The following COL25A1 variants were observed in gnomAD, a reference collection of about 807,000 sequenced individuals.
COL25A1 encodes the protein collagen alpha-1(XXV) chain.
A neutral mutation model predicts 128.4 loss-of-function variants in COL25A1; 103 were observed. The observed-to-expected ratio is 0.80, with a 90% confidence interval of 0.68 to 0.94. COL25A1 has a LOEUF of 0.94. Among genes scored for constraint, COL25A1 ranks in the 40% least tolerant of loss-of-function variants. The pLI, the probability that COL25A1 is intolerant of heterozygous loss-of-function variation, is 0.00. For missense variants in COL25A1, 745 were observed against 840.0 expected (o/e 0.89, Z 1.40); for synonymous variants, 279 against 277.2 (o/e 1.01, Z -0.06).
At chr4:108,855,419 A>C (rs1331919624) in intron 24 of COL25A1, among the ~76,000 whole-genome samples, 2 of 151,938 alleles carry the variant, frequency 1.3e-5, no homozygotes, top group Non-Finnish European at 2.9e-5. Context: ...AGTCATTTAA[A>C]CAAGGCTATC....
intron 19 of COL25A1, among the ~76,000 whole-genome samples, chr4:108,872,681 G>GAT (rs74986915): frequency 2.7e-5 from 3 of 112,512 alleles, no homozygotes; most frequent in African/African-American, 8.9e-5. Flanking sequence ...CATTAGATTT[G>GAT]ATATATATAT....
chr4:109,126,813 C>T (rs1768662346), intron 3 of COL25A1, among the ~76,000 whole-genome samples: 1 of 151,812 alleles, frequency 6.6e-6, no homozygotes, highest in Admixed American at 6.6e-5. Context: ...TGAAGACCTA[C>T]GAGTTAATGG....
At chr4:109,299,219 T>C (rs1485297720) in intron 3 of COL25A1, among the ~76,000 whole-genome samples, 2 of 152,164 alleles carry the variant, frequency 1.3e-5, no homozygotes, top group African/African-American at 4.8e-5. Flanking sequence ...GCACCAACTG[T>C]CCTGGGAATT....
intron 5 of COL25A1, among the ~76,000 whole-genome samples, chr4:109,013,508 T>A (rs1000563837): frequency 6.1e-5 from 3 of 49,330 alleles, no homozygotes; most frequent in African/African-American, 2.6e-4. Flanking sequence ...CTTTGTTCTT[T>A]CACTCTTTGC....
chr4:108,859,712 C>T lies in COL25A1; in HGVS notation c.1264G>A (p.Asp422Asn), dbSNP rs766375694. The T allele has an allele frequency of 2.5e-6, 4 of 1,613,810 alleles. No individual in the cohort carries two copies. In the Admixed American group the frequency reaches 6.7e-5, roughly 27 times the overall value. ...TCTATGATCTCAGTGGCTCCTTGAT[C>T]CCCTTTTTGACCAGGTGGACCCTAT... is the stretch of plus-strand genomic sequence containing the variant. Reference protein sequence around the residue: ...GPRGPPGQKGDQGATEIIDYN... With the variant: ...GPRGPPGQKGNQGATEIIDYN... The change falls in exon 24 of 38, where the codon GAT becomes AAT. Residue 422 changes from aspartate to asparagine, a missense_variant. Transcript: ENST00000399132.
At chr4:108,875,012 A>G (rs980220194) in intron 19 of COL25A1, among the ~76,000 whole-genome samples, 12 of 152,222 alleles carry the variant, frequency 7.9e-5, no homozygotes, top group Non-Finnish European at 1.6e-4. Flanking sequence ...TATCAGTGAG[A>G]ACAACAAGAT....
chr4:108,999,754 G>A (rs13121618), intron 6 of COL25A1, among the ~76,000 whole-genome samples: 9,573 of 152,238 alleles, frequency 0.063, 400 homozygotes, highest in Middle Eastern at 0.099. Flanking sequence ...AAGAAAATGT[G>A]GCACATATAT....
Position 108,891,701 on chromosome 4 carries a change from C to T in COL25A1, c.907-1968G>A, listed in dbSNP as rs569389981. Among the ~76,000 whole-genome samples the T allele has an allele frequency of 2.2e-3, 328 of 150,666 alleles. 2 individuals are homozygous for T. The highest frequency in any genetic ancestry group is 7.6e-3 in the African/African-American group (311 of 40,904). ...TTTGGGGCTTCCTAAATTCTACTGC[C>T]GTGTTTTAGGTTTTTTTTTTTTAAT... On this transcript the variant is annotated intron_variant, in intron 16 of 37. Coordinates refer to ENST00000399132, the MANE Select transcript of COL25A1 (RefSeq NM_198721.4).
At chr4:109,288,988 C>T (rs1724181149) in intron 3 of COL25A1, among the ~76,000 whole-genome samples, 2 of 151,532 alleles carry the variant, frequency 1.3e-5, no homozygotes, top group Non-Finnish European at 2.9e-5. Context: ...CACACACACA[C>T]ACACACACAC....
intron 3 of COL25A1, among the ~76,000 whole-genome samples, chr4:109,067,430 A>G (rs1034534814): frequency 4.6e-5 from 7 of 150,670 alleles, no homozygotes; most frequent in Non-Finnish European, 8.9e-5. Context: ...ATGTCTAAGG[A>G]AAAAAAAAAT....
intron 16 of COL25A1, among the ~76,000 whole-genome samples, chr4:108,893,065 G>A (rs1238042496): frequency 6.6e-6 from 1 of 152,158 alleles, no homozygotes; most frequent in African/African-American, 2.4e-5. Context: ...CAAATATGAT[G>A]TGGCTTCTGA....
chr4:109,171,758 C>T (rs1282797168), intron 3 of COL25A1, among the ~76,000 whole-genome samples: 1 of 152,184 alleles, frequency 6.6e-6, no homozygotes, highest in Non-Finnish European at 1.5e-5. Flanking sequence ...AAATGACGGC[C>T]ACACACCTTG....
intron 5 of COL25A1, among the ~76,000 whole-genome samples, chr4:109,016,682 A>G (rs1280917624): frequency 6.6e-6 from 1 of 152,162 alleles, no homozygotes. Flanking sequence ...GGAGAGCTGG[A>G]CATTCGTCAG....
At chr4:109,250,210 TAAC>T (rs996460012) in intron 3 of COL25A1, among the ~76,000 whole-genome samples, 4 of 152,066 alleles carry the variant, frequency 2.6e-5, no homozygotes, top group Non-Finnish European at 5.9e-5. Flanking sequence ...TAAAATAAGA[TAAC>T]AATAGTCTCA....
chr4:108,901,244 G>A (rs1742817835), intron 13 of COL25A1, 72 bp from the exon 14 acceptor site: 5 of 1,007,600 alleles, frequency 5.0e-6, no homozygotes, highest in East Asian at 2.4e-5. Flanking sequence ...CATTAGAGGA[G>A]ACAGCCATCT....
intron 37 of COL25A1, among the ~76,000 whole-genome samples, chr4:108,814,848 G>C (rs1731102368): frequency 6.6e-6 from 1 of 152,136 alleles, no homozygotes. Flanking sequence ...TAGGGAAGGA[G>C]AATAACGGAG....
intron 3 of COL25A1, among the ~76,000 whole-genome samples, chr4:109,260,332 A>C (rs1781358527): frequency 6.6e-6 from 1 of 152,190 alleles, no homozygotes; most frequent in Non-Finnish European, 1.5e-5. Flanking sequence ...TTTTTTAAAA[A>C]TTGGGTACAA....
At chr4:109,253,400 A>G (rs536700936) in intron 3 of COL25A1, among the ~76,000 whole-genome samples, 82 of 152,288 alleles carry the variant, frequency 5.4e-4, no homozygotes, top group Non-Finnish European at 9.6e-4. Context: ...GAAAGGCAGG[A>G]GAAGACCTAT....
intron 3 of COL25A1, among the ~76,000 whole-genome samples, chr4:109,116,435 G>C (rs1767566648): frequency 1.3e-5 from 2 of 152,006 alleles, no homozygotes. Flanking sequence ...TTAAGGGAAA[G>C]GGGAAATAAG....
Sources: gnomAD v4.1 joint callset for allele counts (sites outside exome capture counted in the v4.1 genomes callset) on GRCh38, gnomAD v4.1.1 for gene constraint, MANE v1.5 for transcripts, NCBI Gene and HGNC (gene_info 2026-07-23, HGNC 2026-07-21) for gene names.